PTGR1: variants seen among roughly 807,000 people sequenced by gnomAD.
PTGR1 encodes the protein 15-oxoprostaglandin 13-reductase.
In PTGR1, 23 loss-of-function variants were observed where a neutral mutation model predicts 37.7. The observed-to-expected ratio is 0.61, with a 90% confidence interval of 0.44 to 0.86. PTGR1 has a LOEUF of 0.86. Ranked by LOEUF, PTGR1 falls within the 40% of genes least tolerant of loss-of-function variation. The pLI is 0.00. For synonymous variants in PTGR1, 134 were observed against 140.0 expected, an observed-to-expected ratio of 0.96 and a Z score of 0.30; for missense variants, 351 against 394.3, an observed-to-expected ratio of 0.89 and a Z score of 0.93.
At chr9:111,563,509 CTT>C (rs769286166) in intron 9 of PTGR1, 823 of 182,194 alleles carry the variant, frequency 4.5e-3, no homozygotes, top group South Asian at 0.01. Context: ...CTTTTTCTTT[CTT>C]TTTTTTTTTT....
At chr9:111,594,582 GCTCTGTCAC>G (rs1249610891) in intron 2 of PTGR1, among the ~76,000 whole-genome samples, 1 of 123,884 alleles carries the variant, frequency 8.1e-6, no homozygotes, top group African/African-American at 3.2e-5. Flanking sequence ...AGGGAGTCTC[GCTCTGTCAC>G]CCAGGCTGGA....
chr9:111,564,137 TA>T, intron 9 of PTGR1: 1 of 512,896 alleles, frequency 1.9e-6, no homozygotes, highest in Non-Finnish European at 2.7e-6. Context: ...TAAGGGGTCT[TA>T]TATAGAGACC....
At chr9:111,579,695 T>C (rs1317000818) in intron 6 of PTGR1, among the ~76,000 whole-genome samples, 1 of 152,152 alleles carries the variant, frequency 6.6e-6, no homozygotes, top group African/African-American at 2.4e-5. Flanking sequence ...TGGGCTCAAG[T>C]GATCCTCCTG....
chr9:111,584,901 G>T (rs1829387083), intron 5 of PTGR1, among the ~76,000 whole-genome samples: 1 of 152,176 alleles, frequency 6.6e-6, no homozygotes, highest in Non-Finnish European at 1.5e-5. Context: ...CTAGCCAAAA[G>T]GAGGGCTTGA....
downstream of PTGR1, among the ~76,000 whole-genome samples, chr9:111,559,598 T>TCACA (rs1037774997): frequency 6.7e-6 from 1 of 149,934 alleles, no homozygotes; most frequent in Non-Finnish European, 1.5e-5. Flanking sequence ...ACACACACAC[T>TCACA]CACACACACA....
At position 111,570,542 on chromosome 9, in the gene PTGR1, G is replaced by A. The variant is rs546598768; in HGVS notation, c.761-333C>T. Among the ~76,000 whole-genome samples the A allele has an allele frequency of 2.3e-3, 345 of 151,894 alleles. 3 individuals are homozygous for A. Among genetic ancestry groups the A allele is most frequent in the Middle Eastern group, 6.8e-3 (2 of 294 alleles). Reference sequence around the variant, plus strand: ...TCCCAGCATTTTGGGAGGCCAAGGCGGGCAGATCACAAGGTCAGGAGTTCG... The same window carrying A: ...TCCCAGCATTTTGGGAGGCCAAGGCAGGCAGATCACAAGGTCAGGAGTTCG... On this transcript the variant is annotated intron_variant, in intron 8 of 9. Transcript: ENST00000407693.
chr9:111,561,438 A>G (rs1388383691), downstream of PTGR1, among the ~76,000 whole-genome samples: 1 of 151,788 alleles, frequency 6.6e-6, no homozygotes, highest in Non-Finnish European at 1.5e-5. Flanking sequence ...ATGCCCAGCT[A>G]ATTTGAAAAT....
At chr9:111,550,224 AGTTTTTT>A (rs1049693066) in intron 9 of PTGR1, among the ~76,000 whole-genome samples, 8 of 152,170 alleles carry the variant, frequency 5.3e-5, no homozygotes, top group African/African-American at 1.9e-4. Flanking sequence ...CTAGATACAC[AGTTTTTT>A]GAATGTCCAG....
chr9:111,560,861 T>C (rs1589288544), downstream of PTGR1, among the ~76,000 whole-genome samples: 1 of 144,984 alleles, frequency 6.9e-6, no homozygotes, highest in Non-Finnish European at 1.5e-5. Flanking sequence ...GAGAATCGCT[T>C]GAAGCCGGGT....
downstream of PTGR1, among the ~76,000 whole-genome samples, chr9:111,562,162 C>T (rs140926634): frequency 1.6e-4 from 24 of 152,216 alleles, no homozygotes; most frequent in East Asian, 9.6e-4. Flanking sequence ...CGTGAGCCAC[C>T]GCGCCCGGCC....
intron 9 of PTGR1, among the ~76,000 whole-genome samples, chr9:111,556,503 TTGACA>T (rs1233565198): frequency 6.6e-5 from 10 of 152,250 alleles, no homozygotes; most frequent in African/African-American, 2.4e-4. Flanking sequence ...GACTTCTGCC[TTGACA>T]TCCAGGCATT....
chr9:111,594,153 A>G, intron 3 of PTGR1, 69 bp downstream of exon 3: 1 of 1,426,476 alleles, frequency 7.0e-7, no homozygotes, highest in Non-Finnish European at 9.9e-7. Flanking sequence ...TGGATATTTT[A>G]GAAGATGAAC....
At position 111,574,844 on chromosome 9, in the gene PTGR1, T is replaced by A. The variant is rs1351972826; in HGVS notation, c.652-2A>T. ...AGTGTTTGAAAACTCTCCACCTACC[T>A]AAACAGATAGCAAAGACAAAATGTT... On this transcript the variant is annotated splice_acceptor_variant, in intron 7 of 9. Coordinates refer to ENST00000407693, the MANE Select transcript of PTGR1 (RefSeq NM_001146108.2). LOFTEE classifies it high-confidence loss of function. The A allele has an allele frequency of 7.5e-6, 12 of 1,602,830 alleles. No homozygotes were observed. Among genetic ancestry groups the A allele is most frequent in the Non-Finnish European group, 8.5e-6 (10 of 1,172,084 alleles).
Position 111,570,133 on chromosome 9 carries a change from G to A in PTGR1, c.837C>T (p.Ala279=), listed in dbSNP as rs766709637. 5.0e-6 allele frequency: 8 copies of A among 1,614,104 alleles called. No individual in the cohort carries two copies. Among genetic ancestry groups the A allele is most frequent in the South Asian group, 1.1e-5 (1 of 91,072 alleles). Residue 279 remains alanine (A), a synonymous_variant, in exon 9 of 10, where the codon GCC becomes GCT. Coordinates refer to ENST00000407693, the MANE Select transcript of PTGR1 (RefSeq NM_001146108.2). ...GCAAGTCCTTCAGAGCTTTTTGGCG[G>A]GCATCTCCTTGCCAGCGGTAGACGA... ...AFVVYRWQGD[A]RQKALKDLLK...
intron 4 of PTGR1, among the ~76,000 whole-genome samples, chr9:111,591,688 A>G (rs1405752506): frequency 1.3e-5 from 2 of 152,170 alleles, no homozygotes; most frequent in Non-Finnish European, 1.5e-5. Context: ...AAATAATAAT[A>G]TATTAACAAT....
At chr9:111,566,228 T>C (rs554254213) in intron 9 of PTGR1, among the ~76,000 whole-genome samples, 5 of 152,150 alleles carry the variant, frequency 3.3e-5, no homozygotes, top group Middle Eastern at 6.8e-3. Flanking sequence ...AATAAATAAA[T>C]AAACACCTAA....
chr9:111,584,665 T>C (rs1036413518), intron 5 of PTGR1, among the ~76,000 whole-genome samples: 4 of 152,042 alleles, frequency 2.6e-5, no homozygotes, highest in Non-Finnish European at 5.9e-5. Flanking sequence ...GGGGAAAGGA[T>C]CTCAAAACTT....
chr9:111,588,470 T>C (rs1284996117), intron 4 of PTGR1, among the ~76,000 whole-genome samples: 3 of 152,260 alleles, frequency 2.0e-5, no homozygotes, highest in South Asian at 4.1e-4. Flanking sequence ...GACCTTGTGA[T>C]CTGCCCGCCT....
chr9:111,585,037 T>C (rs1829390152), intron 5 of PTGR1, among the ~76,000 whole-genome samples: 1 of 152,114 alleles, frequency 6.6e-6, no homozygotes. Flanking sequence ...GACAAATTCA[T>C]GTAAAGTTAT....
Sources: gnomAD v4.1 joint callset for allele counts (sites outside exome capture counted in the v4.1 genomes callset) on GRCh38, gnomAD v4.1.1 for gene constraint, MANE v1.5 for transcripts, NCBI Gene and HGNC (gene_info 2026-07-23, HGNC 2026-07-21) for gene names.